TTC39A: variants seen among roughly 807,000 people sequenced by gnomAD.
TTC39A encodes tetratricopeptide repeat domain 39A.
In TTC39A, 46 loss-of-function variants were observed where a neutral mutation model predicts 82.3. The ratio of observed to expected loss-of-function variants is 0.56; its 90% CI spans 0.44 to 0.71. The LOEUF (loss-of-function observed/expected upper bound fraction) is 0.71, where lower values mean the gene tolerates loss of function less well. Among genes scored for constraint, TTC39A ranks in the 30% least tolerant of loss-of-function variants. The pLI is 0.00. For synonymous variants in TTC39A, 254 were observed against 275.2 expected, an observed-to-expected ratio of 0.92 and a Z score of 0.76; for missense variants, 543 against 712.9, an observed-to-expected ratio of 0.76 and a Z score of 2.71.
At chr1:51,303,885 G>T (rs1471660208) in intron 8 of TTC39A, among the ~76,000 whole-genome samples, 3 of 152,158 alleles carry the variant, frequency 2.0e-5, no homozygotes, top group East Asian at 3.9e-4. Flanking sequence ...CATGACCCAT[G>T]CGCTTTCTTA....
Position 51,302,173 on chromosome 1 carries a change from T to G in TTC39A, c.891+184A>C, listed in dbSNP as rs751806999. 1.4e-5 allele frequency: 11 copies of G among 796,332 alleles called. No homozygotes were observed. The South Asian group carries it at 1.6e-4, about 12-fold the overall frequency. The allele number at this position is 796,332 out of a possible 1,614,324, so 49.3% of individuals were successfully genotyped here. ...GGCACCACAAATGCCTCCTCCTCCC[T>G]TGTCTTCCCAGGCTGCTCTGCCAGA... On this transcript the variant is annotated intron_variant, in intron 11 of 17. Coordinates refer to ENST00000680483, the MANE Select transcript of TTC39A (RefSeq NM_001297663.2).
rs527849874 is a variant in TTC39A, at chr1:51,302,669, C to G, written c.764-96G>C. On this transcript the variant is annotated intron_variant, in intron 9 of 17. Transcript: ENST00000680483. ...AGCAGGGGCTTCCCAGGGTCTCCCC[C>G]TCCCCCTCTGTGAAATCGAGATAAT... 23 of 1,331,166 alleles carry G rather than the reference C, an allele frequency of 1.7e-5. No homozygotes were observed. In the Admixed American group the frequency reaches 3.4e-4, roughly 19 times the overall value. The allele number at this position is 1,331,166 out of a possible 1,614,324, so 82.5% of individuals were successfully genotyped here.
At chr1:51,336,945 G>A (rs1645981812) in intron 1 of TTC39A, among the ~76,000 whole-genome samples, 1 of 152,064 alleles carries the variant, frequency 6.6e-6, no homozygotes, top group Non-Finnish European at 1.5e-5. Context: ...ATTGCTTGAG[G>A]CCAGAAGTTG....
chr1:51,304,862 C>T (rs1350091695), intron 8 of TTC39A, among the ~76,000 whole-genome samples: 1 of 152,228 alleles, frequency 6.6e-6, no homozygotes, highest in Non-Finnish European at 1.5e-5. Context: ...CACCCAGAGC[C>T]TCTGCACCCT....
chr1:51,302,746 G>A (rs1328664715), intron 9 of TTC39A, among the ~76,000 whole-genome samples, 173 bp from the exon 10 acceptor site: 4 of 152,082 alleles, frequency 2.6e-5, no homozygotes, highest in Admixed American at 2.0e-4. Flanking sequence ...GGCAGATATC[G>A]CCCCCAGCAC....
At chr1:51,330,936 T>C, upstream of TTC39A, 1 of 623,984 alleles carries the variant, frequency 1.6e-6, no homozygotes, top group Non-Finnish European at 2.9e-6. The surrounding 1 kb of genome is among the most constrained non-coding windows in gnomAD (Gnocchi z 4.5). Flanking sequence ...GGGGCATTCG[T>C]GCAGACAAAG....
chr1:51,305,415 C>T (rs1644831809), intron 7 of TTC39A: 1 of 403,474 alleles, frequency 2.5e-6, no homozygotes, highest in Admixed American at 3.7e-5. Flanking sequence ...CTGGGAAGCT[C>T]CTCCTCCCTT....
chr1:51,298,315 C>A (rs1644522108), intron 12 of TTC39A: 1 of 152,400 alleles, frequency 6.6e-6, no homozygotes, highest in Admixed American at 6.5e-5. Context: ...AAGGCTCCCC[C>A]ACTGCTGGAT....
chr1:51,330,380 T>A lies in TTC39A; in HGVS notation c.41+57A>T. ...GAGGCCTGGCGCGGCGCCCGCCACC[T>A]GCCCGGGCCCCAGCCCGCGCCGCCC... On this transcript the variant is annotated intron_variant, in intron 1 of 17. Transcript: ENST00000680483. This position sits in a 1 kb window ranked among gnomAD's most constrained non-coding sequence, Gnocchi z 4.5. 3 of 955,306 alleles carry A rather than the reference T, an allele frequency of 3.1e-6. No individual in the cohort carries two copies. The highest frequency in any genetic ancestry group is 1.8e-5 in the African/African-American group (1 of 55,584). 59.2% of individuals were successfully genotyped at this position (955,306 alleles called of 1,614,324 possible).
At position 51,294,319 on chromosome 1, in the gene TTC39A, T is replaced by C; in HGVS notation, c.1266+72A>G. On this transcript the variant is annotated intron_variant, in intron 14 of 17. Coordinates refer to ENST00000680483, the MANE Select transcript of TTC39A (RefSeq NM_001297663.2). The surrounding 1 kb of genome is among the most constrained non-coding windows in gnomAD (Gnocchi z 4.3). ...GTCTTTCTCCTCATCCACCTCCCCC[T>C]GGCTGTGGCTCTCAGTGAATCCCCA... 6.2e-7 allele frequency: 1 copy of C among 1,603,272 alleles called. No homozygotes were observed. The highest frequency in any genetic ancestry group is 1.1e-5 in the South Asian group (1 of 90,650).
intron 1 of TTC39A, chr1:51,344,986 G>A: frequency 1.3e-6 from 2 of 1,524,772 alleles, no homozygotes; most frequent in Non-Finnish European, 1.8e-6. Context: ...ACCCCTGCCC[G>A]GTACCTGCGG....
In TTC39A at chr1:51,294,435, G is replaced by A. The variant is rs778868623; in HGVS notation, c.1222C>T (p.Arg408Cys). ...TEKFAIRKSRRYFSSNPISLP... is the reference protein window; with the variant it reads ...TEKFAIRKSRCYFSSNPISLP... ...GAGATAGGGTTGGAGGAGAAGTAGCGCCGGGACTTCCGGATGGCAAACTTC... is the reference window on the plus strand; with the variant it reads ...GAGATAGGGTTGGAGGAGAAGTAGCACCGGGACTTCCGGATGGCAAACTTC... Residue 408 changes from arginine (R) to cysteine (C), a missense_variant, in exon 14 of 18, where the codon CGC becomes TGC. Physicochemically the swap from Arg to Cys is radical, Grantham distance 180. Transcript: ENST00000680483. The surrounding 1 kb of genome is among the most constrained non-coding windows in gnomAD (Gnocchi z 4.3). 25 of 1,613,884 alleles carry A rather than the reference G, an allele frequency of 1.5e-5. No individual in the cohort carries two copies. Among genetic ancestry groups the A allele is most frequent in the Non-Finnish European group, 1.9e-5 (23 of 1,179,902 alleles).
intron 1 of TTC39A, among the ~76,000 whole-genome samples, chr1:51,326,166 A>G (rs924583358): frequency 2.0e-5 from 3 of 152,196 alleles, no homozygotes; most frequent in Non-Finnish European, 4.4e-5. Flanking sequence ...TACAGTGCTC[A>G]GGGCTGTGAT....
At chr1:51,344,600 C>T (rs1482539162) in intron 1 of TTC39A, among the ~76,000 whole-genome samples, 1 of 152,234 alleles carries the variant, frequency 6.6e-6, no homozygotes. Flanking sequence ...CACAGCGTGC[C>T]CACACTTGGC....
chr1:51,295,789 G>T (rs914901287), intron 13 of TTC39A: 1 of 495,640 alleles, frequency 2.0e-6, no homozygotes, highest in Non-Finnish European at 3.7e-6. Flanking sequence ...AGCCACATCT[G>T]TCCTACTGTC....
chr1:51,322,756 TTGAG>T (rs1186040338), intron 1 of TTC39A, among the ~76,000 whole-genome samples: 1 of 152,198 alleles, frequency 6.6e-6, no homozygotes, highest in African/African-American at 2.4e-5. Flanking sequence ...GGGGCCTCCT[TTGAG>T]TGAAAGAATG....
At chr1:51,296,668 T>G in intron 12 of TTC39A, 1 of 202,148 alleles carries the variant, frequency 4.9e-6, no homozygotes, top group Non-Finnish European at 1.0e-5. Context: ...GAGCAGGGCC[T>G]GGGTCGGGTC....
In TTC39A at chr1:51,306,040, G is replaced by A; in HGVS notation, c.525C>T (p.Cys175=). The A allele has an allele frequency of 2.5e-6, 4 of 1,613,992 alleles. No individual in the cohort carries two copies. Among genetic ancestry groups the A allele is most frequent in the Non-Finnish European group, 3.4e-6 (4 of 1,179,870 alleles). ...CAAAGTGCGGGTGGTTCTCACCCTT[G>A]CAGTATTGTGAGGACTGAACAAGGC... ...LDSLVQSSQY[C]KGENHPHFEG... Residue 175 remains cysteine (C), a synonymous_variant, in exon 7 of 18, where the codon TGC becomes TGT. Transcript: ENST00000680483.
upstream of TTC39A, among the ~76,000 whole-genome samples, chr1:51,333,578 A>T (rs908237022): frequency 1.3e-5 from 2 of 152,248 alleles, no homozygotes; most frequent in African/African-American, 2.4e-5. Context: ...CTAACCCTGC[A>T]GGTTTCAGTT....
Sources: gnomAD v4.1 joint callset for allele counts (sites outside exome capture counted in the v4.1 genomes callset) on GRCh38, gnomAD v4.1.1 for gene constraint, Gnocchi (gnomAD v3.1) non-coding constraint, MANE v1.5 for transcripts, NCBI Gene and HGNC (gene_info 2026-07-23, HGNC 2026-07-21) for gene names.